KAZN: variants seen among roughly 807,000 people sequenced by gnomAD.
KAZN encodes the protein kazrin, periplakin interacting protein.
KAZN carries 40 observed loss-of-function variants against 87.4 expected under a neutral mutation model. The observed-to-expected ratio is 0.46, with a 90% confidence interval of 0.36 to 0.60. The LOEUF is 0.60. Ranked by LOEUF, KAZN falls within the 20% of genes least tolerant of loss-of-function variation. The probability of loss-of-function intolerance (pLI) is 0.00; values close to 1 mark genes in which losing one functional copy is unlikely to be tolerated. For synonymous variants in KAZN, 466 were observed against 458.3 expected (o/e 1.02, Z -0.22); for missense variants, 898 against 1,073.9 (o/e 0.84, Z 2.29).
intron 2 of KAZN, among the ~76,000 whole-genome samples, chr1:15,010,769 G>A (rs1669501195): frequency 6.6e-6 from 1 of 152,294 alleles, no homozygotes; most frequent in South Asian, 2.1e-4. Context: ...CAGAGTGGCA[G>A]TGTTCTCTTC....
intron 1 of KAZN, among the ~76,000 whole-genome samples, chr1:14,145,147 C>T (rs1645318973): frequency 6.6e-6 from 1 of 152,166 alleles, no homozygotes; most frequent in Non-Finnish European, 1.5e-5. Flanking sequence ...GTTCTCTTCC[C>T]TTACAATAGT....
chr1:14,645,763 G>A (rs1333656761), intron 1 of KAZN, among the ~76,000 whole-genome samples: 1 of 152,100 alleles, frequency 6.6e-6, no homozygotes, highest in African/African-American at 2.4e-5. Context: ...GATTGCTTTG[G>A]CTAGGACTTC....
chr1:14,998,850 C>T (rs79423549), intron 2 of KAZN, among the ~76,000 whole-genome samples: 3,411 of 152,188 alleles, frequency 0.022, 66 homozygotes, highest in South Asian at 0.044. Context: ...GCACCCAGCC[C>T]AACTCCACTT....
rs192657428 is a variant in KAZN, at chr1:14,561,761, G to A, written c.250-37222G>A. ...TCTACTAAAAATACAAAAATTAGCCGGGCGTGGTGGCGGGCACCTGTAATC... is the reference window on the plus strand; with the variant it reads ...TCTACTAAAAATACAAAAATTAGCCAGGCGTGGTGGCGGGCACCTGTAATC... On this transcript the variant is annotated intron_variant, in intron 2 of 16. Coordinates refer to the KAZN transcript ENST00000636203. Among the ~76,000 whole-genome samples, 543 of 152,060 alleles carry A rather than the reference G, an allele frequency of 3.6e-3. 4 individuals carry two copies. Among genetic ancestry groups the A allele is most frequent in the African/African-American group, 0.012 (479 of 41,468 alleles).
chr1:14,701,754 G>A (rs565980930), intron 1 of KAZN, among the ~76,000 whole-genome samples: 14 of 152,258 alleles, frequency 9.2e-5, no homozygotes, highest in Admixed American at 2.6e-4. Context: ...CTGTGATTGC[G>A]CCACTGCATT....
chr1:14,579,415 G>T (rs983248399), intron 2 of KAZN, among the ~76,000 whole-genome samples: 1 of 152,000 alleles, frequency 6.6e-6, no homozygotes, highest in African/African-American at 2.4e-5. Context: ...CATGAAGTCA[G>T]GAGATTGAGA....
chr1:15,103,497 C>A, intron 12 of KAZN, 37 bp downstream of exon 12: 1 of 1,328,444 alleles, frequency 7.5e-7, no homozygotes, highest in Non-Finnish European at 1.1e-6. Flanking sequence ...GACTCTCGGG[C>A]ATACACAAAC....
intron 2 of KAZN, among the ~76,000 whole-genome samples, chr1:14,398,681 G>A (rs1366953114): frequency 6.6e-6 from 1 of 152,194 alleles, no homozygotes; most frequent in Non-Finnish European, 1.5e-5. Context: ...AATTCTCTGA[G>A]ATGACTCTTT....
rs917924146 is a variant in KAZN at position 14,185,569 on chromosome 1, A to G, written c.249+4977A>G. Among the ~76,000 whole-genome samples the G allele has an allele frequency of 2.6e-5, 4 of 152,356 alleles. No individual in the cohort carries two copies. In the East Asian group the frequency reaches 5.8e-4, roughly 22 times the overall value. ...GCAAAACTATCAAATCAGCAAGTCC[A>G]AAAGCTTGTAGTTTTTTACATAACT... is the stretch of plus-strand genomic sequence containing the variant. On this transcript the variant is annotated intron_variant, in intron 2 of 16. Coordinates refer to the KAZN transcript ENST00000636203.
chr1:14,623,305 C>A (rs1348493319), intron 1 of KAZN, among the ~76,000 whole-genome samples: 2 of 152,208 alleles, frequency 1.3e-5, no homozygotes, highest in Non-Finnish European at 2.9e-5. Flanking sequence ...AGAACAAGAT[C>A]ATATCCTTTG....
At chr1:14,156,360 T>C (rs1570895023) in intron 1 of KAZN, among the ~76,000 whole-genome samples, 1 of 152,218 alleles carries the variant, frequency 6.6e-6, no homozygotes, top group Non-Finnish European at 1.5e-5. Flanking sequence ...CCATTTGGTC[T>C]ATAGTGGAGG....
chr1:14,567,946 C>T lies in KAZN; in HGVS notation c.250-31037C>T, dbSNP rs189734372. ...GTGTACACAGCTATATAAACCCCCT[C>T]GCTTCAGTATGACAAAGACTTATGA... On this transcript the variant is annotated intron_variant, in intron 2 of 16. Transcript: ENST00000636203. Among the ~76,000 whole-genome samples the T allele has an allele frequency of 1.9e-3, 287 of 152,312 alleles. 1 individual carries two copies. Among genetic ancestry groups the T allele is most frequent in the African/African-American group, 6.7e-3 (278 of 41,574 alleles).
chr1:15,085,863 C>CA (rs1408504347), intron 8 of KAZN, among the ~76,000 whole-genome samples: 5 of 151,784 alleles, frequency 3.3e-5, no homozygotes, highest in Admixed American at 6.5e-5. Context: ...TCAGAATATT[C>CA]AAAAAAAGGA....
intron 2 of KAZN, among the ~76,000 whole-genome samples, chr1:15,022,888 G>C (rs796399834): frequency 1.6e-4 from 24 of 152,370 alleles, no homozygotes; most frequent in African/African-American, 5.5e-4. Flanking sequence ...GAGAACCAGG[G>C]AAGGGGCAGA....
intron 1 of KAZN, among the ~76,000 whole-genome samples, chr1:13,952,723 T>C (rs1641400209): frequency 6.6e-6 from 1 of 151,892 alleles, no homozygotes; most frequent in Admixed American, 6.6e-5. Context: ...CATTGAAAGG[T>C]CCCCCTGGCC....
At chr1:14,013,286 T>G (rs114282954) in intron 1 of KAZN, among the ~76,000 whole-genome samples, 2,158 of 152,240 alleles carry the variant, frequency 0.014, 49 homozygotes, top group African/African-American at 0.05. Flanking sequence ...ATATGCAGGA[T>G]TTTTTCAAAC....
At chr1:14,209,272 A>G (rs1284970703) in intron 2 of KAZN, among the ~76,000 whole-genome samples, 1 of 152,256 alleles carries the variant, frequency 6.6e-6, no homozygotes, top group Non-Finnish European at 1.5e-5. Context: ...AACCAGAACC[A>G]GAAACCACAC....
chr1:14,902,585 C>T (rs1417281727), intron 1 of KAZN, among the ~76,000 whole-genome samples: 1 of 152,034 alleles, frequency 6.6e-6, no homozygotes, highest in African/African-American at 2.4e-5. Flanking sequence ...TAATATTCAG[C>T]TAGAGCCAGA....
chr1:14,901,206 G>C (rs1266175840), intron 1 of KAZN, among the ~76,000 whole-genome samples: 1 of 152,246 alleles, frequency 6.6e-6, no homozygotes, highest in Non-Finnish European at 1.5e-5. Context: ...GCTGGCACCT[G>C]ACGTAGACCT....
Sources: gnomAD v4.1 joint callset for allele counts (sites outside exome capture counted in the v4.1 genomes callset) on GRCh38, gnomAD v4.1.1 for gene constraint, MANE v1.5 for transcripts, NCBI Gene and HGNC (gene_info 2026-07-23, HGNC 2026-07-21) for gene names.